Variants in SCN11A observed in about 807,000 individuals in gnomAD.
SCN11A encodes the protein sodium voltage-gated channel alpha subunit 11.
A neutral mutation model predicts 162.2 loss-of-function variants in SCN11A; 122 were observed. The ratio of observed to expected loss-of-function variants is 0.75; its 90% CI spans 0.65 to 0.87. The LOEUF is 0.87. SCN11A is among the 40% of genes least tolerant of loss of function. SCN11A has a pLI of 0.00. For synonymous variants in SCN11A, 758 were observed against 751.5 expected, an observed-to-expected ratio of 1.01 and a Z score of -0.14; for missense variants, 2,015 against 2,181.6, an observed-to-expected ratio of 0.92 and a Z score of 1.52.
At position 38,897,174 on chromosome 3, in the gene SCN11A, T is replaced by C. The variant is rs1553637645; in HGVS notation, c.2074A>G (p.Lys692Glu). 1 of 1,614,076 alleles carries C rather than the reference T, an allele frequency of 6.2e-7. No homozygotes were observed. The highest frequency in any genetic ancestry group is 8.5e-7 in the Non-Finnish European group (1 of 1,179,996). ...KSWPTLNTLI[K>E]IIGNSVGALG... is the part of the protein sequence containing the mutation. The stretch of plus-strand genomic sequence containing the variant: ...GCTCCGACAGAGTTGCCGATTATCT[T>C]AATTAGTGTGTTCAAAGTTGGCCAG... The change falls in exon 18 of 30, where the codon AAG becomes GAG. Residue 692 changes from lysine (K) to glutamate (E), a missense_variant. Lys to Glu is a moderately conservative substitution (Grantham distance 56, BLOSUM62 1). Transcript: ENST00000302328.
At chr3:38,877,073 GGTGTATATACTATATATATGGTA>G (rs1559501553) in intron 23 of SCN11A, among the ~76,000 whole-genome samples, 4 of 126,240 alleles carry the variant, frequency 3.2e-5, no homozygotes, top group South Asian at 2.5e-4. Flanking sequence ...GTATATATAT[GGTGTATATACTATATATATGGTA>G]TATATATGGT....
chr3:38,998,124 G>T (rs548671381), intron 2 of SCN11A, among the ~76,000 whole-genome samples: 1 of 152,278 alleles, frequency 6.6e-6, no homozygotes, highest in Non-Finnish European at 1.5e-5. Context: ...TCCCAAAACT[G>T]ATTAGAATGA....
chr3:38,877,190 T>A (rs2065230772), intron 23 of SCN11A, among the ~76,000 whole-genome samples: 1 of 67,988 alleles, frequency 1.5e-5, no homozygotes, highest in Non-Finnish European at 2.6e-5. Flanking sequence ...ATATATGGTG[T>A]ATATACTATA....
chr3:38,902,550 C>T (rs2065719035), intron 16 of SCN11A, among the ~76,000 whole-genome samples: 3 of 150,512 alleles, frequency 2.0e-5, no homozygotes, highest in Non-Finnish European at 4.4e-5. Context: ...TGGAGTCTCA[C>T]TTTGTCACCC....
intron 2 of SCN11A, among the ~76,000 whole-genome samples, chr3:38,978,100 A>G (rs1193195985): frequency 6.6e-6 from 1 of 152,190 alleles, no homozygotes; most frequent in African/African-American, 2.4e-5. Flanking sequence ...TTTTACAGAC[A>G]AGAAAACTGA....
chr3:38,897,445 A>G (rs1213015609), intron 17 of SCN11A, among the ~76,000 whole-genome samples: 1 of 152,228 alleles, frequency 6.6e-6, no homozygotes, highest in Non-Finnish European at 1.5e-5. Flanking sequence ...GGCCGGGCAC[A>G]GTGGCTCACG....
chr3:39,048,116 A>G lies in SCN11A; in HGVS notation c.-404+3745T>C, dbSNP rs1272832905. 2.0e-5 allele frequency among the ~76,000 whole-genome samples: 3 copies of G among 152,184 alleles called. No homozygotes were observed. In the East Asian group the frequency reaches 5.8e-4, roughly 29 times the overall value. Reference sequence around the variant, plus strand: ...AGTGGCCAAGATACGGAGTTAACCTAAGTGTCCATCAAAAGAAGAATGGAT... The same window carrying G: ...AGTGGCCAAGATACGGAGTTAACCTGAGTGTCCATCAAAAGAAGAATGGAT... On this transcript the variant is annotated intron_variant, in intron 1 of 29. Coordinates refer to ENST00000302328, the MANE Select transcript of SCN11A (RefSeq NM_001349253.2).
At chr3:39,022,386 G>A (rs909789127) in intron 2 of SCN11A, among the ~76,000 whole-genome samples, 1 of 152,096 alleles carries the variant, frequency 6.6e-6, no homozygotes, top group Non-Finnish European at 1.5e-5. Context: ...CTTCTTACTG[G>A]AGGCTGTGCT....
intron 18 of SCN11A, among the ~76,000 whole-genome samples, chr3:38,895,815 G>A (rs912120999): frequency 8.6e-5 from 13 of 151,952 alleles, no homozygotes; most frequent in Non-Finnish European, 1.5e-4. Context: ...TCCTTTCTCG[G>A]TGCTCTCCTC....
intron 2 of SCN11A, among the ~76,000 whole-genome samples, chr3:38,984,204 C>T (rs929305038): frequency 6.6e-6 from 1 of 152,198 alleles, no homozygotes; most frequent in Non-Finnish European, 1.5e-5. Context: ...GGAATGTACT[C>T]ATTCTTCAAT....
At chr3:38,872,350 T>C in intron 23 of SCN11A, 56 bp from the exon 24 acceptor site, 2 of 893,352 alleles carry the variant, frequency 2.2e-6, no homozygotes, top group Non-Finnish European at 1.9e-6. Flanking sequence ...AGCTGGAAAG[T>C]CCATTTTTCT....
chr3:38,902,372 C>A (rs1008456550), intron 16 of SCN11A, among the ~76,000 whole-genome samples: 4 of 152,182 alleles, frequency 2.6e-5, no homozygotes, highest in Non-Finnish European at 5.9e-5. Context: ...TTCCCAAAGG[C>A]AGCATGGAGA....
chr3:38,989,049 T>C (rs2030366722), intron 2 of SCN11A, among the ~76,000 whole-genome samples: 2 of 151,980 alleles, frequency 1.3e-5, no homozygotes, highest in South Asian at 4.2e-4. Flanking sequence ...TAGAGTAAGG[T>C]GGAAGTGATG....
At chr3:38,858,467 T>G (rs2064908687) in intron 28 of SCN11A, among the ~76,000 whole-genome samples, 1 of 152,092 alleles carries the variant, frequency 6.6e-6, no homozygotes, top group Admixed American at 6.6e-5. Flanking sequence ...CAGGAAAACA[T>G]CACAGTCCTA....
chr3:38,860,551 C>T (rs368783627), intron 28 of SCN11A, among the ~76,000 whole-genome samples: 15 of 152,046 alleles, frequency 9.9e-5, no homozygotes, highest in African/African-American at 3.6e-4. Context: ...CATGATCAAG[C>T]AGGTTTTATA....
At chr3:38,932,983 C>A (rs1208383049) in intron 7 of SCN11A, among the ~76,000 whole-genome samples, 2 of 152,244 alleles carry the variant, frequency 1.3e-5, no homozygotes, top group African/African-American at 4.8e-5. Flanking sequence ...CCAGTAGGGG[C>A]AGACTGACAC....
chr3:38,941,655 T>C (rs2066444094), intron 7 of SCN11A, among the ~76,000 whole-genome samples: 1 of 152,142 alleles, frequency 6.6e-6, no homozygotes, highest in South Asian at 2.1e-4. Context: ...TTGTTTAATA[T>C]GTGAAGAAAC....
At chr3:38,947,455 C>T (rs1476702964) in intron 5 of SCN11A, among the ~76,000 whole-genome samples, 1 of 152,158 alleles carries the variant, frequency 6.6e-6, no homozygotes, top group Non-Finnish European at 1.5e-5. Context: ...CCCTGTGGTT[C>T]TTAACCAGCA....
chr3:38,932,594 T>C lies in SCN11A; in HGVS notation c.489-5663A>G, dbSNP rs187914987. Among the ~76,000 whole-genome samples the C allele has an allele frequency of 7.9e-3, 1,204 of 152,304 alleles. 19 individuals are homozygous for C. Among genetic ancestry groups the C allele is most frequent in the African/African-American group, 0.027 (1,131 of 41,556 alleles). On this transcript the variant is annotated intron_variant, in intron 7 of 29. Transcript: ENST00000302328. ...ATCCCGCACCTGGCTCGGAGGGTCCTACACCCACGGAGTCTCGCTGATTGC... is the reference window on the plus strand; with the variant it reads ...ATCCCGCACCTGGCTCGGAGGGTCCCACACCCACGGAGTCTCGCTGATTGC...
Sources: gnomAD v4.1 joint callset for allele counts (sites outside exome capture counted in the v4.1 genomes callset) on GRCh38, gnomAD v4.1.1 for gene constraint, MANE v1.5 for transcripts, NCBI Gene and HGNC (gene_info 2026-07-23, HGNC 2026-07-21) for gene names.